Variants in COL12A1 observed in about 807,000 individuals in gnomAD.
COL12A1 encodes collagen type XII alpha 1 chain, also known as collagen alpha-1(XII) chain.
A neutral mutation model predicts 349.7 loss-of-function variants in COL12A1; 114 were observed. The ratio of observed to expected loss-of-function variants is 0.33; its 90% CI spans 0.28 to 0.38. The LOEUF (loss-of-function observed/expected upper bound fraction) is 0.38, where lower values mean the gene tolerates loss of function less well. COL12A1 is among the 10% of genes least tolerant of loss of function. The pLI is 1.00. For synonymous variants in COL12A1, 1,369 were observed against 1,329.0 expected (o/e 1.03, Z -0.66); for missense variants, 3,284 against 3,756.9 (o/e 0.87, Z 3.29).
At chr6:75,132,693 C>G (rs1766370427) in intron 34 of COL12A1, among the ~76,000 whole-genome samples, 1 of 152,162 alleles carries the variant, frequency 6.6e-6, no homozygotes, top group South Asian at 2.1e-4. Flanking sequence ...CATCATCTTC[C>G]TAGACCACTA....
chr6:75,191,890 G>T, intron 4 of COL12A1, 130 bp from the exon 5 acceptor site: 1 of 513,542 alleles, frequency 1.9e-6, no homozygotes, highest in South Asian at 5.3e-5. Flanking sequence ...GCTGGTCATA[G>T]AATACTGCCA....
intron 44 of COL12A1, among the ~76,000 whole-genome samples, chr6:75,120,030 G>A (rs141636961): frequency 1.3e-5 from 2 of 152,142 alleles, no homozygotes; most frequent in Admixed American, 1.3e-4. Flanking sequence ...ATGTGACAAT[G>A]GATTTTTTTT....
At chr6:75,106,142 G>A (rs913915141) in intron 53 of COL12A1, among the ~76,000 whole-genome samples, 9 of 152,066 alleles carry the variant, frequency 5.9e-5, no homozygotes, top group African/African-American at 2.2e-4. Context: ...GCAATAAGAG[G>A]GCTTTACAGT....
At chr6:75,147,973 A>G (rs1033578682) in intron 22 of COL12A1, among the ~76,000 whole-genome samples, 169 bp from the exon 23 acceptor site, 1 of 152,220 alleles carries the variant, frequency 6.6e-6, no homozygotes, top group African/African-American at 2.4e-5. Context: ...TGGACAATTC[A>G]TATAATTTTT....
Position 75,147,725 on chromosome 6 carries a change from G to C in COL12A1, c.4367C>G (p.Ser1456Cys). 1 of 1,613,308 alleles carries C rather than the reference G, an allele frequency of 6.2e-7. No homozygotes were observed. Among genetic ancestry groups the C allele is most frequent in the Non-Finnish European group, 8.5e-7 (1 of 1,179,530 alleles). ...PETEYVVNVY[S>C]VVEDEYSEPL... ...CTCACTATATTCATCTTCTACCACA[G>C]AATACACATTGACAACATATTCAGT... The change falls in exon 23 of 66, where the codon TCT (serine) becomes TGT (cysteine). Residue 1456 changes from serine (S) to cysteine (C), a missense_variant. Transcript: ENST00000322507.
At chr6:75,131,267 T>A (rs536693726) in intron 35 of COL12A1, among the ~76,000 whole-genome samples, 25 of 152,316 alleles carry the variant, frequency 1.6e-4, no homozygotes, top group Non-Finnish European at 5.9e-5. Context: ...AAGCTCATGA[T>A]ATTTCCCCAA....
intron 2 of COL12A1, among the ~76,000 whole-genome samples, chr6:75,195,683 C>T (rs931646753): frequency 1.6e-4 from 25 of 152,246 alleles, no homozygotes; most frequent in Non-Finnish European, 2.4e-4. Context: ...AATATTCTGC[C>T]TGTTTACACC....
chr6:75,100,326 T>C (rs1768250503), intron 58 of COL12A1, among the ~76,000 whole-genome samples: 3 of 151,880 alleles, frequency 2.0e-5, no homozygotes, highest in Admixed American at 6.6e-5. Flanking sequence ...CACATTGGGG[T>C]GGATGTGATG....
In COL12A1 at chr6:75,121,350, G is replaced by A. The variant is rs2149369561; in HGVS notation, c.7038C>T (p.Ile2346=). Residue 2346 remains isoleucine, a synonymous_variant, in exon 44 of 66, where the codon ATC becomes ATT. Coordinates refer to ENST00000322507, the MANE Select transcript of COL12A1 (RefSeq NM_004370.6). The stretch of plus-strand genomic sequence containing the variant: ...CATCAAAGCCTCCCACAGTATTGAA[G>A]ATGAATTTTACAACTTTGTTAAAAT... ...DDNFNKVVKF[I]FNTVGGFDEI... The A allele has an allele frequency of 1.9e-6, 3 of 1,612,142 alleles. No homozygotes were observed. The South Asian group carries it at 3.3e-5, about 18-fold the overall frequency.
At chr6:75,184,826 A>G (rs1243987783) in intron 8 of COL12A1, among the ~76,000 whole-genome samples, 1 of 152,218 alleles carries the variant, frequency 6.6e-6, no homozygotes, top group Admixed American at 6.5e-5. Context: ...TTTGACAGTT[A>G]ACGTAAAGTA....
chr6:75,105,109 A>G (rs781576522), intron 54 of COL12A1, 97 bp downstream of exon 54: 15 of 978,792 alleles, frequency 1.5e-5, no homozygotes, highest in Non-Finnish European at 2.1e-5. Context: ...GAAAACCTGG[A>G]TGAATTGAAG....
At chr6:75,098,851 C>G (rs899253444) in intron 58 of COL12A1, among the ~76,000 whole-genome samples, 6 of 152,164 alleles carry the variant, frequency 3.9e-5, no homozygotes. Flanking sequence ...ATCTCTGGCT[C>G]GTGCGCCCAC....
chr6:75,099,892 T>C (rs1332931523), intron 58 of COL12A1, among the ~76,000 whole-genome samples: 1 of 152,246 alleles, frequency 6.6e-6, no homozygotes, highest in East Asian at 1.9e-4. Flanking sequence ...TTGGCCTTGA[T>C]CTCTTGTGCT....
intron 1 of COL12A1, among the ~76,000 whole-genome samples, chr6:75,203,475 A>C (rs540098409): frequency 7.9e-5 from 12 of 152,286 alleles, no homozygotes; most frequent in African/African-American, 2.4e-4. Flanking sequence ...ATAATAACAA[A>C]TAAGGCAGCA....
At chr6:75,099,160 T>C (rs2149340071) in intron 58 of COL12A1, among the ~76,000 whole-genome samples, 1 of 152,348 alleles carries the variant, frequency 6.6e-6, no homozygotes, top group African/African-American at 2.4e-5. Context: ...TACATTGACT[T>C]TACCATAGAA....
intron 49 of COL12A1, among the ~76,000 whole-genome samples, chr6:75,115,031 T>G (rs1461233097): frequency 6.6e-6 from 1 of 152,102 alleles, no homozygotes; most frequent in Non-Finnish European, 1.5e-5. Context: ...TACAATGTGG[T>G]CAAACTACAA....
At position 75,177,900 on chromosome 6, in the gene COL12A1, C is replaced by T. The variant is rs749164361; in HGVS notation, c.2200G>A (p.Glu734Lys). ...GTAATTTTGAAACTATCTGTAGTCT[C>T]ATCTGTCACCTTTAGGTTTCGAGGT... Reference protein sequence around the residue: ...GAPRNLKVTDETTDSFKITWT... With the variant: ...GAPRNLKVTDKTTDSFKITWT... Residue 734 changes from glutamate to lysine, a missense_variant, in exon 12 of 66, where the codon GAG becomes AAG. Physicochemically the swap from Glu to Lys is moderately conservative, Grantham distance 56 (BLOSUM62 1). Coordinates refer to ENST00000322507, the MANE Select transcript of COL12A1 (RefSeq NM_004370.6). 3 of 1,612,070 alleles carry T rather than the reference C, an allele frequency of 1.9e-6. No individual in the cohort carries two copies. Among genetic ancestry groups the T allele is most frequent in the Non-Finnish European group, 2.5e-6 (3 of 1,179,926 alleles).
chr6:75,155,569 G>T, intron 16 of COL12A1, 93 bp downstream of exon 16: 1 of 1,219,580 alleles, frequency 8.2e-7, no homozygotes, highest in Non-Finnish European at 1.1e-6. Context: ...ACATATAAGT[G>T]ATATTTGTGT....
At chr6:75,145,481 A>G (rs1767132716) in intron 24 of COL12A1, 26 bp from the exon 25 acceptor site, 3 of 1,602,722 alleles carry the variant, frequency 1.9e-6, no homozygotes, top group Non-Finnish European at 2.6e-6. Context: ...TGGAGCAGAA[A>G]TAAGATATTC....
Sources: gnomAD v4.1 joint callset for allele counts (sites outside exome capture counted in the v4.1 genomes callset) on GRCh38, gnomAD v4.1.1 for gene constraint, MANE v1.5 for transcripts, NCBI Gene and HGNC (gene_info 2026-07-23, HGNC 2026-07-21) for gene names.